ZNF385B: variants seen among roughly 807,000 people sequenced by gnomAD.
The protein encoded by ZNF385B is zinc finger protein 385B, also known as zinc finger protein 533.
A neutral mutation model predicts 39.2 loss-of-function variants in ZNF385B; 23 were observed. The observed-to-expected ratio is 0.59, with a 90% CI of 0.42 to 0.83. The LOEUF (loss-of-function observed/expected upper bound fraction) is 0.83. ZNF385B is among the 40% of genes least tolerant of loss of function. ZNF385B has a pLI of 0.00. For missense variants in ZNF385B, 552 were observed against 598.9 expected, an observed-to-expected ratio of 0.92 and a Z score of 0.82; for synonymous variants, 205 against 222.6, an observed-to-expected ratio of 0.92 and a Z score of 0.70.
At chr2:179,797,182 T>C (rs1234079713) in intron 1 of ZNF385B, among the ~76,000 whole-genome samples, 2 of 152,164 alleles carry the variant, frequency 1.3e-5, no homozygotes, top group Non-Finnish European at 2.9e-5. Context: ...TAAAATCTTA[T>C]TGTAGAAAAT....
At chr2:179,443,522 G>T in intron 9 of ZNF385B, 54 bp from the exon 10 acceptor site, 3 of 1,316,346 alleles carry the variant, frequency 2.3e-6, no homozygotes, top group Non-Finnish European at 3.2e-6. Flanking sequence ...TTGAATAACA[G>T]CACCACAGGC....
At chr2:179,664,060 A>T (rs116738996) in intron 3 of ZNF385B, among the ~76,000 whole-genome samples, 42 of 104,898 alleles carry the variant, frequency 4.0e-4, no homozygotes, top group Non-Finnish European at 7.1e-4. Context: ...AGTAAAAAAT[A>T]TTTTTTTTTT....
In ZNF385B at chr2:179,760,072, G is replaced by C. The variant is rs1188070679; in HGVS notation, c.298+9431C>G. Among the ~76,000 whole-genome samples the C allele has an allele frequency of 2.1e-5, 3 of 144,106 alleles. No homozygotes were observed. The Admixed American group carries it at 2.1e-4, about 10-fold the overall frequency. The allele number at this position is 144,106 out of a possible 152,430, so 94.5% of individuals were successfully genotyped here. On this transcript the variant is annotated intron_variant, in intron 3 of 9. Coordinates refer to ENST00000410066, the MANE Select transcript of ZNF385B (RefSeq NM_152520.6). ...AAAATTTTTTTTTTTTTTTTGAGAC[G>C]GAGTCTCACTCTGTCACCCAGGCTG...
At chr2:179,448,861 T>G (rs906876117) in intron 6 of ZNF385B, among the ~76,000 whole-genome samples, 2 of 152,120 alleles carry the variant, frequency 1.3e-5, no homozygotes, top group Non-Finnish European at 2.9e-5. Context: ...GTTGCTTTGT[T>G]TTACAATTGT....
intron 3 of ZNF385B, among the ~76,000 whole-genome samples, chr2:179,688,350 G>T (rs558560303): frequency 6.6e-6 from 1 of 152,112 alleles, no homozygotes; most frequent in South Asian, 2.1e-4. Flanking sequence ...TTTAAAAAGA[G>T]CTTCCAGGAG....
chr2:179,493,516 CAT>C lies in ZNF385B; in HGVS notation c.553-10084_553-10083del, dbSNP rs547931382. Among the ~76,000 whole-genome samples, 465 of 151,028 alleles carry C rather than the reference CAT, an allele frequency of 3.1e-3. 1 individual carries two copies. The highest frequency in any genetic ancestry group is 8.3e-3 in the South Asian group (40 of 4,804). On this transcript the variant is annotated intron_variant, in intron 5 of 9. Transcript: ENST00000410066. ...ACGTGTGTGTACATATATGCGTATA[CAT>C]ATGTGTGTACATATATGCGTATACA...
At chr2:179,506,148 A>T (rs2057238291) in intron 5 of ZNF385B, among the ~76,000 whole-genome samples, 1 of 152,124 alleles carries the variant, frequency 6.6e-6, no homozygotes, top group African/African-American at 2.4e-5. Context: ...CTTGTTTCAG[A>T]TGCAGTTCAA....
At chr2:179,702,140 C>T (rs1049270664) in intron 3 of ZNF385B, among the ~76,000 whole-genome samples, 16 of 151,994 alleles carry the variant, frequency 1.1e-4, no homozygotes, top group Non-Finnish European at 2.1e-4. Flanking sequence ...TACCCTAAAA[C>T]TTAAAGTATA....
rs1015545400 is a variant in ZNF385B at position 179,472,759 on chromosome 2, C to G, written c.715+10513G>C. ...GGGTGTGCTTCTCATTTGGATCATA[C>G]CCCCCCTCCCTAGCCTTTTGGATCT... is the stretch of plus-strand genomic sequence containing the variant. On this transcript the variant is annotated intron_variant, in intron 6 of 9. Coordinates refer to ENST00000410066, the MANE Select transcript of ZNF385B (RefSeq NM_152520.6). 2.6e-5 allele frequency among the ~76,000 whole-genome samples: 4 copies of G among 151,732 alleles called. No individual in the cohort carries two copies. The East Asian group carries it at 7.7e-4, about 29-fold the overall frequency.
chr2:179,717,095 G>A (rs969413534), intron 3 of ZNF385B, among the ~76,000 whole-genome samples: 36 of 151,862 alleles, frequency 2.4e-4, no homozygotes, highest in Admixed American at 1.0e-3. Context: ...ATGGTAACTG[G>A]GAAAAAACTG....
chr2:179,761,081 T>C (rs1402447699), intron 3 of ZNF385B, among the ~76,000 whole-genome samples: 4 of 152,268 alleles, frequency 2.6e-5, no homozygotes, highest in Middle Eastern at 3.4e-3. Flanking sequence ...CTGGGTTCTC[T>C]AGTCTTTTTC....
chr2:179,572,754 T>G (rs1685374027), intron 3 of ZNF385B, among the ~76,000 whole-genome samples: 1 of 152,152 alleles, frequency 6.6e-6, no homozygotes, highest in African/African-American at 2.4e-5. Context: ...GATTTTGGTT[T>G]CTACCTACCC....
At chr2:179,462,566 T>C (rs2051457694) in intron 6 of ZNF385B, among the ~76,000 whole-genome samples, 2 of 151,956 alleles carry the variant, frequency 1.3e-5, no homozygotes, top group African/African-American at 2.4e-5. Flanking sequence ...AGAATTCCAT[T>C]AAGATAGTTA....
intron 6 of ZNF385B, among the ~76,000 whole-genome samples, chr2:179,464,289 T>G (rs922286672): frequency 6.6e-6 from 1 of 152,196 alleles, no homozygotes; most frequent in African/African-American, 2.4e-5. Flanking sequence ...TTTCTCCCAT[T>G]CTGTAGGTTG....
intron 3 of ZNF385B, among the ~76,000 whole-genome samples, chr2:179,616,016 A>C (rs765776620): frequency 6.6e-6 from 1 of 152,244 alleles, no homozygotes; most frequent in Non-Finnish European, 1.5e-5. Context: ...ATAGAATAGT[A>C]TTTAATCATC....
rs1038180569 is a variant in ZNF385B, at chr2:179,716,100, T to G, written c.298+53403A>C. Among the ~76,000 whole-genome samples the G allele has an allele frequency of 2.6e-5, 4 of 152,310 alleles. No individual in the cohort carries two copies. The Middle Eastern group carries it at 0.01, about 389-fold the overall frequency. On this transcript the variant is annotated intron_variant, in intron 3 of 9. Transcript: ENST00000410066. ...TTTTGTTAAGTTCAATGGGTTGTGTTTATCTTCTTGCTTTTGAGGAGTTGC... is the reference window on the plus strand; with the variant it reads ...TTTTGTTAAGTTCAATGGGTTGTGTGTATCTTCTTGCTTTTGAGGAGTTGC...
intron 3 of ZNF385B, among the ~76,000 whole-genome samples, chr2:179,563,456 T>C (rs1684173435): frequency 6.6e-6 from 1 of 152,160 alleles, no homozygotes; most frequent in African/African-American, 2.4e-5. Context: ...ACTTAGCACA[T>C]TTACTAACCA....
chr2:179,834,388 A>T (rs1265486329), intron 1 of ZNF385B, among the ~76,000 whole-genome samples: 5 of 152,206 alleles, frequency 3.3e-5, no homozygotes, highest in Non-Finnish European at 7.3e-5. Context: ...AGAGTGCTCA[A>T]TAACTAATTA....
chr2:179,729,140 A>AAAC lies in ZNF385B; in HGVS notation c.298+40362_298+40363insGTT, dbSNP rs1553518644. 6.7e-4 allele frequency among the ~76,000 whole-genome samples: 100 copies of AAAC among 150,052 alleles called. No individual in the cohort carries two copies. The East Asian group carries it at 6.9e-3, about 10-fold the overall frequency. ...AATATTCTATTCTCAAAAAAAAAAAAAAAAAAACCAAGGAAATTAACTTTC... is the reference window on the plus strand; with the variant it reads ...AATATTCTATTCTCAAAAAAAAAAAAAACAAAAAAACCAAGGAAATTAACTTTC... On this transcript the variant is annotated intron_variant, in intron 3 of 9. Coordinates refer to ENST00000410066, the MANE Select transcript of ZNF385B (RefSeq NM_152520.6).
Sources: gnomAD v4.1 joint callset for allele counts (sites outside exome capture counted in the v4.1 genomes callset) on GRCh38, gnomAD v4.1.1 for gene constraint, MANE v1.5 for transcripts, NCBI Gene and HGNC (gene_info 2026-07-23, HGNC 2026-07-21) for gene names.